The following SPATS2 variants were observed in gnomAD, a reference collection of about 807,000 sequenced individuals.
SPATS2 encodes spermatogenesis-associated serine-rich protein 2.
Under a neutral mutation model 63.7 loss-of-function variants are expected in SPATS2, and 38 were observed. The observed-to-expected ratio is 0.60, with a 90% CI of 0.46 to 0.78. The LOEUF is 0.78. Ranked by LOEUF, SPATS2 falls within the 30% of genes least tolerant of loss-of-function variation. The pLI is 0.00. For synonymous variants in SPATS2, 207 were observed against 232.9 expected, an observed-to-expected ratio of 0.89 and a Z score of 1.01; for missense variants, 588 against 666.2, an observed-to-expected ratio of 0.88 and a Z score of 1.29.
intron 2 of SPATS2, among the ~76,000 whole-genome samples, chr12:49,455,367 AT>A (rs1190938212): frequency 6.6e-6 from 1 of 152,154 alleles, no homozygotes; most frequent in Admixed American, 6.5e-5. Context: ...ACCTTCTCCA[AT>A]ATCTGCATCA....
chr12:49,456,311 C>T (rs1181076022), intron 2 of SPATS2, among the ~76,000 whole-genome samples: 1 of 152,102 alleles, frequency 6.6e-6, no homozygotes, highest in Non-Finnish European at 1.5e-5. Flanking sequence ...AGGAAGTATT[C>T]CATGTAGATA....
intron 3 of SPATS2, chr12:49,462,793 A>T (rs1020584282): frequency 3.2e-6 from 1 of 312,000 alleles, no homozygotes; most frequent in African/African-American, 2.2e-5. Flanking sequence ...TGTCCCTCTA[A>T]AGTCAACCCA....
In SPATS2 at chr12:49,497,025, A is replaced by T; in HGVS notation, c.703+16A>T. ...AAAAAGCTAAGTAAGTCAGAGGCCC[A>T]CCTGTGAGAGAAAATGAAAAATCTG... On this transcript the variant is annotated intron_variant, in intron 8 of 13. Transcript: ENST00000552918. The T allele has an allele frequency of 6.7e-7, 1 of 1,503,712 alleles. No homozygotes were observed. The highest frequency in any genetic ancestry group is 8.9e-7 in the Non-Finnish European group (1 of 1,129,124). 93.1% of individuals were successfully genotyped at this position (1,503,712 alleles called of 1,614,324 possible).
At chr12:49,431,246 G>T (rs1392597673) in intron 2 of SPATS2, among the ~76,000 whole-genome samples, 1 of 151,648 alleles carries the variant, frequency 6.6e-6, no homozygotes, top group African/African-American at 2.4e-5. Context: ...AATATATAAA[G>T]AACTTTTTTT....
chr12:49,485,329 C>A (rs762542102), intron 4 of SPATS2, among the ~76,000 whole-genome samples: 1 of 151,736 alleles, frequency 6.6e-6, no homozygotes, highest in Non-Finnish European at 1.5e-5. Flanking sequence ...GCTGGGATTA[C>A]AAGCGTGAGC....
At chr12:49,447,319 A>G (rs1945530224) in intron 2 of SPATS2, among the ~76,000 whole-genome samples, 1 of 151,204 alleles carries the variant, frequency 6.6e-6, no homozygotes. Context: ...GCTCACTGCA[A>G]CCTCCGCCTC....
At chr12:49,462,282 A>G (rs887044427) in intron 3 of SPATS2, 8 of 702,028 alleles carry the variant, frequency 1.1e-5, no homozygotes, top group Non-Finnish European at 1.8e-5. Flanking sequence ...CAGGAAGGAG[A>G]GCGCGAGTGA....
intron 3 of SPATS2, among the ~76,000 whole-genome samples, chr12:49,461,861 A>G (rs187426151): frequency 2.0e-4 from 30 of 152,346 alleles, no homozygotes; most frequent in Middle Eastern, 3.4e-3. Flanking sequence ...ATCTATAGGA[A>G]GAATCTGAGC....
intron 9 of SPATS2, among the ~76,000 whole-genome samples, chr12:49,510,414 A>T (rs1468044063): frequency 6.6e-6 from 1 of 151,708 alleles, no homozygotes; most frequent in Non-Finnish European, 1.5e-5. Flanking sequence ...AATGTAAAAA[A>T]TTAGCTGGGC....
intron 9 of SPATS2, among the ~76,000 whole-genome samples, chr12:49,510,027 C>T (rs985913016): frequency 1.9e-4 from 28 of 151,186 alleles, no homozygotes; most frequent in African/African-American, 5.3e-4. Context: ...GAGGCCAAGG[C>T]GAGAGAATCA....
intron 2 of SPATS2, chr12:49,390,285 C>A: frequency 2.0e-6 from 1 of 498,478 alleles, no homozygotes; most frequent in South Asian, 3.1e-5. Context: ...AGTGTACTGG[C>A]TATGAGATAG....
chr12:49,436,437 C>T (rs1407650597), intron 2 of SPATS2, among the ~76,000 whole-genome samples: 7 of 144,334 alleles, frequency 4.8e-5, no homozygotes, highest in Non-Finnish European at 6.1e-5. Context: ...GGCGGCTGGC[C>T]GGGCAGAGGG....
chr12:49,441,196 A>G (rs747594357), intron 2 of SPATS2, among the ~76,000 whole-genome samples: 1 of 152,152 alleles, frequency 6.6e-6, no homozygotes, highest in Non-Finnish European at 1.5e-5. Flanking sequence ...TTACTGCTAC[A>G]TTCCTCACTC....
chr12:49,471,183 G>A (rs938761613), intron 3 of SPATS2, among the ~76,000 whole-genome samples: 1 of 152,176 alleles, frequency 6.6e-6, no homozygotes, highest in Non-Finnish European at 1.5e-5. Flanking sequence ...GATGATTCAT[G>A]TAGAGCTCCT....
intron 8 of SPATS2, 100 bp downstream of exon 8, chr12:49,497,109 C>T: frequency 8.3e-7 from 1 of 1,201,126 alleles, no homozygotes; most frequent in African/African-American, 1.5e-5. Context: ...TTCAGAAGGG[C>T]ATCAGTTAAT....
At chr12:49,425,110 A>G (rs776446258) in intron 2 of SPATS2, among the ~76,000 whole-genome samples, 2 of 152,150 alleles carry the variant, frequency 1.3e-5, no homozygotes, top group Admixed American at 6.5e-5. Context: ...ACATTCTTGC[A>G]ACTTCTATTT....
chr12:49,400,060 C>T (rs541982973), intron 2 of SPATS2, among the ~76,000 whole-genome samples: 1 of 152,240 alleles, frequency 6.6e-6, no homozygotes, highest in East Asian at 1.9e-4. Flanking sequence ...AATATGGTAC[C>T]ATGTACCAGG....
chr12:49,453,321 AT>A (rs1396555712), intron 2 of SPATS2, among the ~76,000 whole-genome samples: 1 of 151,986 alleles, frequency 6.6e-6, no homozygotes, highest in Non-Finnish European at 1.5e-5. Context: ...GAAACTGGAC[AT>A]TTTAGCTACT....
chr12:49,494,745 A>C lies in SPATS2; in HGVS notation c.269A>C (p.Lys90Thr). The change falls in exon 7 of 14, where the codon AAA (lysine) becomes ACA (threonine). Residue 90 changes from lysine to threonine, a missense_variant. Lys to Thr is a moderately conservative substitution (Grantham distance 78). Coordinates refer to ENST00000552918, the MANE Select transcript of SPATS2 (RefSeq NM_023071.4). ...TCAAATTTTTAATAACTTTAGAACA[A>C]AAAGAAGAAAAACAAACCGAAACCT... The part of the protein sequence containing the change: ...EWTVTGKKKN[K>T]KKKNKPKPAA... 1 of 1,535,554 alleles carries C rather than the reference A, an allele frequency of 6.5e-7. No individual in the cohort carries two copies. Among genetic ancestry groups the C allele is most frequent in the Non-Finnish European group, 8.7e-7 (1 of 1,144,422 alleles).
Sources: gnomAD v4.1 joint callset for allele counts (sites outside exome capture counted in the v4.1 genomes callset) on GRCh38, gnomAD v4.1.1 for gene constraint, MANE v1.5 for transcripts, NCBI Gene and HGNC (gene_info 2026-07-23, HGNC 2026-07-21) for gene names.